The following ADIPOR2 variants were observed in gnomAD, a reference collection of about 807,000 sequenced individuals.
The protein encoded by ADIPOR2 is adiponectin receptor protein 2.
A neutral mutation model predicts 40.9 loss-of-function variants in ADIPOR2; 18 were observed. The ratio of observed to expected loss-of-function variants is 0.44; its 90% CI spans 0.30 to 0.65. The LOEUF (loss-of-function observed/expected upper bound fraction) is 0.65. Ranked by LOEUF, ADIPOR2 falls within the 30% of genes least tolerant of loss-of-function variation. The probability of loss-of-function intolerance (pLI) is 0.09; values close to 1 mark genes in which losing one functional copy is unlikely to be tolerated. For synonymous variants in ADIPOR2, 165 were observed against 166.4 expected, an observed-to-expected ratio of 0.99 and a Z score of 0.06; for missense variants, 283 against 479.2, an observed-to-expected ratio of 0.59 and a Z score of 3.82.
chr12:1,715,047 T>C (rs2094684862), intron 1 of ADIPOR2, among the ~76,000 whole-genome samples: 1 of 151,886 alleles, frequency 6.6e-6, no homozygotes, highest in Non-Finnish European at 1.5e-5. Context: ...TGTGGTCCTT[T>C]GGAGATTTCT....
chr12:1,751,798 G>C (rs1383725339), intron 1 of ADIPOR2, among the ~76,000 whole-genome samples: 1 of 152,166 alleles, frequency 6.6e-6, no homozygotes, highest in Non-Finnish European at 1.5e-5. Context: ...GGGATTACAG[G>C]TGTGAGCCAC....
intron 1 of ADIPOR2, among the ~76,000 whole-genome samples, chr12:1,749,470 G>A (rs919200943): frequency 2.6e-5 from 4 of 152,198 alleles, no homozygotes; most frequent in Admixed American, 6.5e-5. Flanking sequence ...TTAAGGCCAG[G>A]AACCATGGAA....
At chr12:1,709,476 T>C (rs186740548) in intron 1 of ADIPOR2, among the ~76,000 whole-genome samples, 13 of 152,316 alleles carry the variant, frequency 8.5e-5, no homozygotes, top group Non-Finnish European at 1.9e-4. Context: ...AGATGGAATT[T>C]AATTTGTTCT....
chr12:1,763,887 G>C (rs1862321292), intron 2 of ADIPOR2, among the ~76,000 whole-genome samples: 1 of 152,178 alleles, frequency 6.6e-6, no homozygotes, highest in South Asian at 2.1e-4. Flanking sequence ...GCTGAGATGG[G>C]AGAATCACTT....
intron 1 of ADIPOR2, among the ~76,000 whole-genome samples, chr12:1,716,559 C>T (rs1336673693): frequency 2.6e-5 from 4 of 152,198 alleles, no homozygotes; most frequent in African/African-American, 9.6e-5. Context: ...ATTAAAACTG[C>T]ATTGCAGAAA....
intron 1 of ADIPOR2, among the ~76,000 whole-genome samples, chr12:1,753,883 T>TA (rs1218530858): frequency 2.6e-5 from 4 of 152,066 alleles, no homozygotes; most frequent in Non-Finnish European, 4.4e-5. Context: ...GATACATGGT[T>TA]AAAAAAAATG....
intron 1 of ADIPOR2, among the ~76,000 whole-genome samples, chr12:1,721,697 G>A (rs2094698255): frequency 6.6e-6 from 1 of 152,198 alleles, no homozygotes; most frequent in Admixed American, 6.5e-5. Context: ...GTAATAAGGA[G>A]AGACTGAGGG....
At chr12:1,694,146 A>C (rs2094633150) in intron 1 of ADIPOR2, among the ~76,000 whole-genome samples, 1 of 152,234 alleles carries the variant, frequency 6.6e-6, no homozygotes, top group African/African-American at 2.4e-5. Context: ...GAGGAAACTA[A>C]GGCAAGGAGA....
intron 5 of ADIPOR2, 87 bp from the exon 6 acceptor site, chr12:1,780,802 C>A: frequency 1.4e-6 from 2 of 1,396,116 alleles, no homozygotes; most frequent in Non-Finnish European, 1.9e-6. Flanking sequence ...TCGTTGATGG[C>A]TTATGTCATG....
intron 1 of ADIPOR2, among the ~76,000 whole-genome samples, chr12:1,708,271 T>G (rs1285879379): frequency 6.6e-6 from 1 of 152,082 alleles, no homozygotes; most frequent in Non-Finnish European, 1.5e-5. Context: ...AGAGAGGGGT[T>G]CTTGAAACCA....
At chr12:1,695,436 C>CT (rs1201893933) in intron 1 of ADIPOR2, among the ~76,000 whole-genome samples, 1 of 151,716 alleles carries the variant, frequency 6.6e-6, no homozygotes, top group Non-Finnish European at 1.5e-5. Context: ...GGTGGATCAC[C>CT]TGAGGTCAGG....
At chr12:1,711,390 C>T (rs377393446) in intron 1 of ADIPOR2, among the ~76,000 whole-genome samples, 135 of 152,096 alleles carry the variant, frequency 8.9e-4, no homozygotes, top group African/African-American at 3.1e-3. Flanking sequence ...TTTGAAGGGG[C>T]ACTGATAGAG....
intron 1 of ADIPOR2, among the ~76,000 whole-genome samples, chr12:1,726,780 TTG>T (rs1185846500): frequency 3.7e-4 from 56 of 152,324 alleles, no homozygotes; most frequent in Admixed American, 3.7e-3. Flanking sequence ...GAGTTTAAAT[TTG>T]TGTTTCCTAG....
chr12:1,716,423 A>G (rs1320665003), intron 1 of ADIPOR2, among the ~76,000 whole-genome samples: 1 of 152,194 alleles, frequency 6.6e-6, no homozygotes, highest in African/African-American at 2.4e-5. Flanking sequence ...TAGTAGTAGT[A>G]TTGCTGTTAG....
chr12:1,691,597 C>A (rs562459513), intron 1 of ADIPOR2, among the ~76,000 whole-genome samples: 1 of 152,194 alleles, frequency 6.6e-6, no homozygotes, highest in East Asian at 1.9e-4. Flanking sequence ...TTTATCACTT[C>A]TAGGAATTTG....
At chr12:1,735,072 A>T (rs1045923088) in intron 1 of ADIPOR2, among the ~76,000 whole-genome samples, 1 of 152,198 alleles carries the variant, frequency 6.6e-6, no homozygotes, top group African/African-American at 2.4e-5. Context: ...TGACTTGGCA[A>T]TGTGGGCTCT....
intron 1 of ADIPOR2, among the ~76,000 whole-genome samples, chr12:1,742,551 G>T (rs2094745312): frequency 6.6e-6 from 1 of 152,200 alleles, no homozygotes; most frequent in African/African-American, 2.4e-5. Context: ...TGGTATCCAT[G>T]GGGGATTGGT....
chr12:1,753,257 A>T (rs1246096101), intron 1 of ADIPOR2, among the ~76,000 whole-genome samples: 3 of 152,206 alleles, frequency 2.0e-5, no homozygotes, highest in Non-Finnish European at 2.9e-5. Flanking sequence ...GGTTGGATTG[A>T]CTGTGATAAT....
chr12:1,756,861 G>A (rs1157293491), intron 2 of ADIPOR2, among the ~76,000 whole-genome samples: 2 of 152,148 alleles, frequency 1.3e-5, no homozygotes, highest in African/African-American at 2.4e-5. Flanking sequence ...TAGCTGTAGA[G>A]TGAGGAAAAT....
Sources: allele counts gnomAD v4.1 joint callset (sites outside exome capture counted in the v4.1 genomes callset), GRCh38; gene constraint gnomAD v4.1.1; transcripts MANE v1.5; gene names NCBI Gene and HGNC (gene_info 2026-07-23, HGNC 2026-07-21).